Variants in ARHGAP44 observed in about 807,000 individuals in gnomAD.
ARHGAP44 encodes rho GTPase-activating protein 44.
A neutral mutation model predicts 106.8 loss-of-function variants in ARHGAP44; 43 were observed. That is an observed-to-expected ratio of 0.40 (90% CI 0.32 to 0.52). The LOEUF (loss-of-function observed/expected upper bound fraction) is 0.52. Ranked by LOEUF, ARHGAP44 falls within the 20% of genes least tolerant of loss-of-function variation. The probability of loss-of-function intolerance (pLI) is 0.48; values close to 1 mark genes in which losing one functional copy is unlikely to be tolerated. For synonymous variants in ARHGAP44, 439 were observed against 410.3 expected, an observed-to-expected ratio of 1.07 and a Z score of -0.85; for missense variants, 866 against 1,050.5, an observed-to-expected ratio of 0.82 and a Z score of 2.43.
chr17:12,810,391 C>G (rs768720563), intron 1 of ARHGAP44, among the ~76,000 whole-genome samples: 8 of 152,282 alleles, frequency 5.3e-5, no homozygotes, highest in Non-Finnish European at 1.0e-4. Context: ...GTTTCTGGCA[C>G]AAAGCTTCAA....
chr17:12,976,565 A>T (rs959254961), intron 18 of ARHGAP44, among the ~76,000 whole-genome samples: 1 of 143,254 alleles, frequency 7.0e-6, no homozygotes, highest in Admixed American at 7.3e-5. Context: ...GTGAGCCGAG[A>T]TGGTGCCACT....
chr17:12,985,131 C>A, intron 20 of ARHGAP44: 1 of 548,314 alleles, frequency 1.8e-6, no homozygotes, highest in African/African-American at 1.9e-5. Flanking sequence ...GGATCTCTCT[C>A]GGTCTAAGCC....
rs115376294 is a variant in ARHGAP44, at chr17:12,888,719, A to G, written c.54-6221A>G. Among the ~76,000 whole-genome samples the G allele has an allele frequency of 3.9e-3, 596 of 151,992 alleles. 3 individuals carry two copies. The highest frequency in any genetic ancestry group is 0.013 in the African/African-American group (541 of 41,462). Reference sequence around the variant, plus strand: ...TCCAACTATAGTTGTGTATTTGTCTATTTCTTCTTTTCATTGTATCAGTTT... The same window carrying G: ...TCCAACTATAGTTGTGTATTTGTCTGTTTCTTCTTTTCATTGTATCAGTTT... On this transcript the variant is annotated intron_variant, in intron 1 of 20. Transcript: ENST00000379672.
At position 12,974,064 on chromosome 17, in the gene ARHGAP44, G is replaced by A. The variant is rs548609148; in HGVS notation, c.1542-25G>A. 1.9e-6 allele frequency: 3 copies of A among 1,550,834 alleles called. No homozygotes were observed. The African/African-American group carries it at 4.1e-5, about 21-fold the overall frequency. ...CCTGTCATCTGTTACGCGTGGGTAA[G>A]CGGTGTCTTTGTGTCCCTCGCCAGC... On this transcript the variant is annotated intron_variant, in intron 17 of 20. Coordinates refer to ENST00000379672, the MANE Select transcript of ARHGAP44 (RefSeq NM_014859.6).
In ARHGAP44 at chr17:12,958,189, C is replaced by A. The variant is rs545925566; in HGVS notation, c.1343-528C>A. On this transcript the variant is annotated intron_variant, in intron 15 of 20. Transcript: ENST00000379672. The surrounding 1 kb of genome is among the most constrained non-coding windows in gnomAD (Gnocchi z 4.1). ...TACTTCTGTATATCTCTTTGACAGC[C>A]AAAAAACAACTTTAATGAAATCTAT... 1.3e-5 allele frequency among the ~76,000 whole-genome samples: 2 copies of A among 152,166 alleles called. No homozygotes were observed. Among genetic ancestry groups the A allele is most frequent in the African/African-American group, 4.8e-5 (2 of 41,524 alleles).
chr17:12,945,841 C>A (rs2038836743), intron 10 of ARHGAP44, among the ~76,000 whole-genome samples: 1 of 152,184 alleles, frequency 6.6e-6, no homozygotes, highest in Non-Finnish European at 1.5e-5. Flanking sequence ...GGCTGGAGTG[C>A]AGTGGTGCGA....
At chr17:12,841,859 A>G (rs1053324999) in intron 1 of ARHGAP44, among the ~76,000 whole-genome samples, 1 of 152,190 alleles carries the variant, frequency 6.6e-6, no homozygotes, top group Non-Finnish European at 1.5e-5. Flanking sequence ...AAGAATTTTT[A>G]AAAATTGTTC....
At chr17:12,821,341 A>G (rs1168840176) in intron 1 of ARHGAP44, among the ~76,000 whole-genome samples, 2 of 152,216 alleles carry the variant, frequency 1.3e-5, no homozygotes, top group Non-Finnish European at 1.5e-5. Context: ...AGATTAGATT[A>G]TTGTGGTTTT....
chr17:12,955,528 T>C (rs1417355170), intron 13 of ARHGAP44, among the ~76,000 whole-genome samples: 1 of 152,198 alleles, frequency 6.6e-6, no homozygotes, highest in Non-Finnish European at 1.5e-5. Flanking sequence ...TTATCACTCC[T>C]GCACACAGGG....
At chr17:12,863,242 T>A (rs973346131) in intron 1 of ARHGAP44, among the ~76,000 whole-genome samples, 1 of 152,186 alleles carries the variant, frequency 6.6e-6, no homozygotes, top group African/African-American at 2.4e-5. Context: ...CTGGAGAAGC[T>A]AAGCATCTTC....
chr17:12,943,740 C>T, intron 9 of ARHGAP44, 71 bp downstream of exon 9: 3 of 1,473,754 alleles, frequency 2.0e-6, no homozygotes, highest in Non-Finnish European at 2.8e-6. Context: ...AGATGAATTC[C>T]TTGTATGTCG....
intron 7 of ARHGAP44, among the ~76,000 whole-genome samples, chr17:12,935,220 A>C (rs2038511174): frequency 6.6e-6 from 1 of 152,228 alleles, no homozygotes; most frequent in African/African-American, 2.4e-5. Flanking sequence ...CTTTAAAAAA[A>C]TATTTACTTA....
At position 12,910,255 on chromosome 17, in the gene ARHGAP44, G is replaced by A. The variant is rs74253588; in HGVS notation, c.275+1282G>A. Among the ~76,000 whole-genome samples, 392 of 143,004 alleles carry A rather than the reference G, an allele frequency of 2.7e-3. 10 individuals are homozygous for A. In the East Asian group the frequency reaches 0.049, roughly 18 times the overall value. 93.8% of individuals were successfully genotyped at this position (143,004 alleles called of 152,430 possible). Reference sequence around the variant, plus strand: ...AGGAAAAAGATTGTGTTGTAGGGGAGGAAACTTTTTTTTTTTTTTTTTTCC... The same window carrying A: ...AGGAAAAAGATTGTGTTGTAGGGGAAGAAACTTTTTTTTTTTTTTTTTTCC... On this transcript the variant is annotated intron_variant, in intron 4 of 20. Transcript: ENST00000379672.
intron 1 of ARHGAP44, among the ~76,000 whole-genome samples, chr17:12,823,916 C>T (rs2034845025): frequency 6.6e-6 from 1 of 152,180 alleles, no homozygotes; most frequent in African/African-American, 2.4e-5. Flanking sequence ...AGTCACCGAA[C>T]TCCATCTTGC....
chr17:12,952,453 C>G, intron 12 of ARHGAP44, 48 bp from the exon 13 acceptor site: 1 of 1,398,358 alleles, frequency 7.2e-7, no homozygotes. Flanking sequence ...TCCGATGAGA[C>G]TTTATTGATT....
chr17:12,911,511 A>G lies in ARHGAP44; in HGVS notation c.275+2538A>G, dbSNP rs77656406. On this transcript the variant is annotated intron_variant, in intron 4 of 20. Transcript: ENST00000379672. ...ATGTAAATTACATCACGTAATGCTT[A>G]CAGTGCTCAAGAATTGGCACCAGGG... Among the ~76,000 whole-genome samples, 396 of 152,324 alleles carry G rather than the reference A, an allele frequency of 2.6e-3. 10 individuals are homozygous for G. In the East Asian group the frequency reaches 0.044, roughly 17 times the overall value.
At chr17:12,831,624 C>A (rs962248554) in intron 1 of ARHGAP44, among the ~76,000 whole-genome samples, 1 of 152,152 alleles carries the variant, frequency 6.6e-6, no homozygotes, top group African/African-American at 2.4e-5. Context: ...ACCCTCCCAT[C>A]GAGGCCCTGT....
intron 10 of ARHGAP44, among the ~76,000 whole-genome samples, chr17:12,948,741 C>CACAT: frequency 6.6e-6 from 1 of 151,704 alleles, no homozygotes; most frequent in South Asian, 2.1e-4. Context: ...CACACACACA[C>CACAT]ACACACACAC....
At chr17:12,825,790 A>C (rs1567633719) in intron 1 of ARHGAP44, among the ~76,000 whole-genome samples, 1 of 152,192 alleles carries the variant, frequency 6.6e-6, no homozygotes, top group Non-Finnish European at 1.5e-5. Flanking sequence ...AAAAAATTAA[A>C]CATCACAGGG....
Sources: allele counts gnomAD v4.1 joint callset (sites outside exome capture counted in the v4.1 genomes callset), GRCh38; gene constraint gnomAD v4.1.1; non-coding constraint Gnocchi (gnomAD v3.1); transcripts MANE v1.5; gene names NCBI Gene and HGNC (gene_info 2026-07-23, HGNC 2026-07-21).